DPH1: variants seen among roughly 807,000 people sequenced by gnomAD.
DPH1 encodes the protein diphthamide biosynthesis 1.
DPH1 carries 59 observed loss-of-function variants against 55.3 expected under a neutral mutation model. The observed-to-expected ratio is 1.07, with a 90% CI of 0.87 to 1.33. The LOEUF (loss-of-function observed/expected upper bound fraction) is 1.33. Among genes scored for constraint, DPH1 ranks in the 40% most tolerant of loss-of-function variants. The pLI is 0.00. For missense variants in DPH1, 628 were observed against 584.8 expected (o/e 1.07, Z -0.76); for synonymous variants, 238 against 235.5 (o/e 1.01, Z -0.10).
intron 12 of DPH1, chr17:2,042,314 C>T: frequency 7.2e-7 from 1 of 1,390,640 alleles, no homozygotes; most frequent in Non-Finnish European, 9.3e-7. Flanking sequence ...CATCCCCCAC[C>T]CTGCGTCCAC....
At chr17:2,042,109 G>T (rs764443632) in intron 12 of DPH1, 3 of 1,568,708 alleles carry the variant, frequency 1.9e-6, no homozygotes, top group Admixed American at 1.8e-5. Flanking sequence ...AGCGAGCGGG[G>T]CTTCCGTGAG....
At chr17:2,035,882 G>A in intron 3 of DPH1, 88 bp from the exon 4 acceptor site, 2 of 1,565,852 alleles carry the variant, frequency 1.3e-6, no homozygotes, top group Non-Finnish European at 1.7e-6. Context: ...GAGAGGAGCT[G>A]GGCCCTGAGA....
chr17:2,042,173 C>T (rs1303372902), intron 12 of DPH1: 3 of 1,462,450 alleles, frequency 2.1e-6, no homozygotes, highest in Non-Finnish European at 2.7e-6. Context: ...TCGTGTGCCT[C>T]AGCGGCCCGC....
intron 1 of DPH1, among the ~76,000 whole-genome samples, chr17:2,030,609 A>G (rs1043135059): frequency 6.6e-6 from 1 of 152,218 alleles, no homozygotes; most frequent in Non-Finnish European, 1.5e-5. Flanking sequence ...TTCGCCAGGC[A>G]TTAACTGAGC....
In DPH1 at chr17:2,041,163, G is replaced by A. The variant is rs575501319; in HGVS notation, c.1068G>A (p.Pro356=). 1.2e-6 allele frequency: 2 copies of A among 1,605,824 alleles called. No homozygotes were observed. Among genetic ancestry groups the A allele is most frequent in the East Asian group, 2.2e-5 (1 of 44,768 alleles). ...SIDWGTAFPK[P]LLTPYEAAVA... is the part of the protein sequence containing the mutation. ...ACTGGGGCACAGCCTTCCCCAAGCC[G>A]CTGCTGACACCCTATGAGGTAACAC... Residue 356 remains proline, a synonymous_variant, in exon 10 of 13, where the codon CCG becomes CCA. Transcript: ENST00000263083.
intron 12 of DPH1, chr17:2,042,242 C>T (rs918172499): frequency 1.8e-5 from 26 of 1,414,894 alleles, no homozygotes; most frequent in African/African-American, 6.1e-5. Context: ...GTGAGACAAG[C>T]CCCGCTCCGG....
chr17:2,036,923 C>A lies in DPH1; in HGVS notation c.647C>A (p.Ser216Tyr). The change falls in exon 6 of 13, where the codon TCC becomes TAC. Residue 216 changes from serine to tyrosine, a missense_variant. Coordinates refer to ENST00000263083, the MANE Select transcript of DPH1 (RefSeq NM_001383.6). The surrounding 1 kb of genome is among the most constrained non-coding windows in gnomAD (Gnocchi z 4.8). ...LSPGEILGCT[S>Y]PRLSKEVEAV... ...CCTGGAGAGATCCTGGGCTGCACAT[C>A]CCCCCGACTGTCCAAAGAGGTGGAG... 1 of 1,613,566 alleles carries A rather than the reference C, an allele frequency of 6.2e-7. No individual in the cohort carries two copies. Among genetic ancestry groups the A allele is most frequent in the Non-Finnish European group, 8.5e-7 (1 of 1,179,886 alleles).
At position 2,043,041 on chromosome 17, in the gene DPH1, C is replaced by G. The variant is rs771576688; in HGVS notation, c.*455C>G. Reference sequence around the variant, plus strand: ...CCCTCACCCACTCTGGTGGCCACTTCATTCCAGCAGCTGCACCCCAGCGTC... The same window carrying G: ...CCCTCACCCACTCTGGTGGCCACTTGATTCCAGCAGCTGCACCCCAGCGTC... On this transcript the variant is annotated 3_prime_UTR_variant, in exon 13 of 13. Coordinates refer to ENST00000263083, the MANE Select transcript of DPH1 (RefSeq NM_001383.6). 2.5e-6 allele frequency: 4 copies of G among 1,613,948 alleles called. No homozygotes were observed. Among genetic ancestry groups the G allele is most frequent in the Non-Finnish European group, 2.5e-6 (3 of 1,180,034 alleles).
rs1216360689 is a variant in DPH1 at position 2,043,430 on chromosome 17, G to A, written c.*844G>A. 1.4e-5 allele frequency: 4 copies of A among 283,084 alleles called. No homozygotes were observed. In the East Asian group the frequency reaches 2.7e-4, roughly 19 times the overall value. 17.5% of individuals were successfully genotyped at this position (283,084 alleles called of 1,614,324 possible). A position where few individuals can be genotyped will look rare whatever the true frequency, so the allele number is the denominator to read the frequency against. On this transcript the variant is annotated 3_prime_UTR_variant, in exon 13 of 13. Transcript: ENST00000263083. ...ATAATAAAGTGGTGATTTGGATTTT[G>A]AGCATCTTTTTCCTGGTACACACAG... is the stretch of plus-strand genomic sequence containing the variant.
chr17:2,031,524 T>G (rs1017826766), intron 1 of DPH1, among the ~76,000 whole-genome samples: 7 of 133,264 alleles, frequency 5.3e-5, no homozygotes, highest in African/African-American at 2.0e-4. Flanking sequence ...ATTGCACCAC[T>G]GCACTCCAGC....
chr17:2,031,863 T>C (rs912345458), intron 1 of DPH1, among the ~76,000 whole-genome samples: 2 of 151,914 alleles, frequency 1.3e-5, no homozygotes, highest in African/African-American at 4.8e-5. Context: ...ACTCCAGGAG[T>C]TGTAATTATG....
chr17:2,042,039 C>T, intron 12 of DPH1, 164 bp downstream of exon 12: 1 of 1,512,384 alleles, frequency 6.6e-7, no homozygotes. Flanking sequence ...TCGCTCCTTG[C>T]CGGGCATAAT....
rs2067581631 is a variant in DPH1 at position 2,043,361 on chromosome 17, G to C, written c.*775G>C. 4.5e-6 allele frequency: 2 copies of C among 448,044 alleles called. No homozygotes were observed. The highest frequency in any genetic ancestry group is 7.9e-6 in the Non-Finnish European group (2 of 253,744). 27.8% of individuals were successfully genotyped at this position (448,044 alleles called of 1,614,324 possible). ...TGGTTGGAGAGCCCTGGATTAGGAG[G>C]GTGACATGGGGAAGGCAGAGGCTGG... On this transcript the variant is annotated 3_prime_UTR_variant, in exon 13 of 13. Coordinates refer to ENST00000263083, the MANE Select transcript of DPH1 (RefSeq NM_001383.6).
intron 3 of DPH1, among the ~76,000 whole-genome samples, chr17:2,035,410 A>G: frequency 1.5e-5 from 1 of 66,310 alleles, no homozygotes; most frequent in Non-Finnish European, 3.0e-5. Context: ...TGCGGTGGGG[A>G]GGTAGTGGGG....
At chr17:2,030,124 C>T, upstream of DPH1, 3 of 1,575,696 alleles carry the variant, frequency 1.9e-6, no homozygotes, top group Non-Finnish European at 2.6e-6. Flanking sequence ...GCGCTCTCCG[C>T]GTTCTTCCAG....
rs754503983 is a variant in DPH1 at position 2,036,078 on chromosome 17, C to A, written c.387C>A (p.Gly129=). 6.2e-7 allele frequency: 1 copy of A among 1,613,888 alleles called. No individual in the cohort carries two copies. The highest frequency in any genetic ancestry group is 8.5e-7 in the Non-Finnish European group (1 of 1,179,890). ...GAGCTGACTTCTTGGTGCACTACGG[C>A]CACAGTTGCCTGAGTATGGTGGGGC... The part of the protein sequence containing the change: ...ALGADFLVHY[G]HSCLIPMDTS... The change falls in exon 4 of 13, where the codon GGC becomes GGA. Residue 129 remains glycine, a synonymous_variant. Coordinates refer to ENST00000263083, the MANE Select transcript of DPH1 (RefSeq NM_001383.6). The surrounding 1 kb of genome is among the most constrained non-coding windows in gnomAD (Gnocchi z 4.8).
chr17:2,032,311 C>A (rs1489749084), intron 1 of DPH1, among the ~76,000 whole-genome samples: 2 of 152,152 alleles, frequency 1.3e-5, no homozygotes, highest in Non-Finnish European at 2.9e-5. Context: ...TATATGGACT[C>A]AGACTCATTC....
Position 2,030,234 on chromosome 17 carries a change from G to A in DPH1, c.61+4G>A, listed in dbSNP as rs1441260901. On this transcript the variant is annotated splice_donor_region_variant and intron_variant, in intron 1 of 12. Coordinates refer to ENST00000263083, the MANE Select transcript of DPH1 (RefSeq NM_001383.6). ...GGCCGAGACGGCCCTGGCAGAGGTG[G>A]GTGCTGGAACGCTGCGCCCTCCAGA... is the stretch of plus-strand genomic sequence containing the variant. 31 of 1,577,890 alleles carry A rather than the reference G, an allele frequency of 2.0e-5. No individual in the cohort carries two copies. Among genetic ancestry groups the A allele is most frequent in the Non-Finnish European group, 2.7e-5 (31 of 1,162,312 alleles).
In DPH1 at chr17:2,039,776, C is replaced by T. The variant is rs761990254; in HGVS notation, c.702C>T (p.Phe234=). The T allele has an allele frequency of 2.5e-6, 4 of 1,614,158 alleles. No individual in the cohort carries two copies. In the East Asian group the frequency reaches 8.9e-5, roughly 36 times the overall value. The change falls in exon 7 of 13, where the codon TTC becomes TTT. Residue 234 remains phenylalanine, a synonymous_variant. Coordinates refer to ENST00000263083, the MANE Select transcript of DPH1 (RefSeq NM_001383.6). ...EAVVYLGDGR[F]HLESVMIANP... ...GCAGGTATCTTGGAGATGGCCGCTT[C>T]CATCTGGAGTCTGTCATGATTGCCA... is the stretch of plus-strand genomic sequence containing the variant.
Sources: allele counts gnomAD v4.1 joint callset (sites outside exome capture counted in the v4.1 genomes callset), GRCh38; gene constraint gnomAD v4.1.1; non-coding constraint Gnocchi (gnomAD v3.1); transcripts MANE v1.5; gene names NCBI Gene and HGNC (gene_info 2026-07-23, HGNC 2026-07-21).